The following SHROOM4 variants were observed in gnomAD, a reference collection of about 807,000 sequenced individuals.
SHROOM4 encodes the protein shroom family member 4.
A neutral mutation model predicts 80.3 loss-of-function variants in SHROOM4; 17 were observed. The observed-to-expected ratio is 0.21, with a 90% CI of 0.14 to 0.32. The LOEUF (loss-of-function observed/expected upper bound fraction) is 0.32, where lower values mean the gene tolerates loss of function less well. Ranked by LOEUF, SHROOM4 falls within the 10% of genes least tolerant of loss-of-function variation. SHROOM4 has a pLI of 1.00. For synonymous variants in SHROOM4, 400 were observed against 437.5 expected, an observed-to-expected ratio of 0.91 and a Z score of 1.07; for missense variants, 993 against 1,140.3, an observed-to-expected ratio of 0.87 and a Z score of 1.86.
At chrX:50,624,662 G>A (rs1354005821) in intron 5 of SHROOM4, among the ~76,000 whole-genome samples, 1 of 104,284 alleles carries the variant, frequency 9.6e-6, no homozygotes, top group African/African-American at 3.5e-5. Flanking sequence ...ACCCAGGATG[G>A]AATGCGGTCA....
At chrX:50,599,008 T>TTGTGTGTGTGTG (rs57494031) in intron 7 of SHROOM4, among the ~76,000 whole-genome samples, 2 of 98,830 alleles carry the variant, frequency 2.0e-5, no homozygotes, top group South Asian at 5.3e-4. Flanking sequence ...GTGTGTGTGT[T>TTGTGTGTGTGTG]TGTGTGTGTG....
chrX:50,709,885 A>G (rs1452358056), intron 1 of SHROOM4, among the ~76,000 whole-genome samples: 1 of 112,077 alleles, frequency 8.9e-6, no homozygotes, highest in African/African-American at 3.2e-5. Flanking sequence ...CCTAGGTCAA[A>G]TGAATCACAG....
intron 1 of SHROOM4, among the ~76,000 whole-genome samples, chrX:50,802,584 T>C (rs1225973986): frequency 8.9e-6 from 1 of 112,383 alleles, no homozygotes; most frequent in Non-Finnish European, 1.9e-5. Context: ...ATTGCCAAGA[T>C]GGGCTGATTC....
chrX:50,642,365 T>G (rs781856374), intron 2 of SHROOM4, among the ~76,000 whole-genome samples: 1 of 112,620 alleles, frequency 8.9e-6, no homozygotes, highest in South Asian at 3.7e-4. Flanking sequence ...GGACCACTTA[T>G]TGAACACTGA....
chrX:50,692,490 A>G (rs1933245968), intron 2 of SHROOM4, among the ~76,000 whole-genome samples: 1 of 111,989 alleles, frequency 8.9e-6, no homozygotes, highest in Admixed American at 9.5e-5. Context: ...GTCATTTTAC[A>G]TAAATTATCT....
chrX:50,612,744 A>C (rs782280821), intron 5 of SHROOM4, among the ~76,000 whole-genome samples: 8 of 111,961 alleles, frequency 7.1e-5, no homozygotes, highest in Non-Finnish European at 1.1e-4. Context: ...TACTGATATA[A>C]TTGACAACAT....
intron 4 of SHROOM4, among the ~76,000 whole-genome samples, chrX:50,630,387 T>C (rs782047588): frequency 6.3e-5 from 7 of 111,130 alleles, no homozygotes; most frequent in African/African-American, 2.3e-4. Flanking sequence ...CTGCTCTGAG[T>C]CTTAAATGTG....
chrX:50,615,585 G>A (rs782745066), intron 5 of SHROOM4, among the ~76,000 whole-genome samples: 11 of 112,111 alleles, frequency 9.8e-5, no homozygotes, highest in Non-Finnish European at 1.7e-4. Flanking sequence ...CACAGTGCCC[G>A]GCACACAGTG....
intron 1 of SHROOM4, among the ~76,000 whole-genome samples, chrX:50,809,909 G>GT (rs1259894226): frequency 8.9e-5 from 10 of 111,766 alleles, no homozygotes; most frequent in African/African-American, 3.3e-4. Flanking sequence ...TATGGGTCAT[G>GT]TATCTTTTAC....
At position 50,687,267 on chromosome X, in the gene SHROOM4, C is replaced by CTTTTTTTTTTTTTTTTTTTTTT. The variant is rs1217867502; in HGVS notation, c.269+8518_269+8519insAAAAAAAAAAAAAAAAAAAAAA. The CTTTTTTTTTTTTTTTTTTTTTT allele has an allele frequency of 1.0e-4, 9 of 88,808 alleles. 1 individual carries two copies. Among genetic ancestry groups the CTTTTTTTTTTTTTTTTTTTTTT allele is most frequent in the African/African-American group, 4.1e-4 (9 of 22,088 alleles). 7.3% of individuals were successfully genotyped at this position (88,808 alleles called of 1,213,427 possible). A position where few individuals can be genotyped will look rare whatever the true frequency, so the allele number is the denominator to read the frequency against. On this transcript the variant is annotated intron_variant, in intron 2 of 8. Transcript: ENST00000376020. Reference sequence around the variant, plus strand: ...CTATTCAACTTTGCCATTTTGGTGTCTTTTTTTTTTTTTTTTAAAAACAGC... The same window carrying CTTTTTTTTTTTTTTTTTTTTTT: ...CTATTCAACTTTGCCATTTTGGTGTCTTTTTTTTTTTTTTTTTTTTTTTTTTTTTTTTTTTTTTAAAAACAGC...
rs782324808 is a variant in SHROOM4 at position 50,638,291 on chromosome X, C to T, written c.287G>A (p.Ser96Asn). The change falls in exon 3 of 9, where the codon AGT becomes AAT. Residue 96 changes from serine (S) to asparagine (N), a missense_variant. Ser to Asn is a conservative substitution (Grantham distance 46, BLOSUM62 1). Transcript: ENST00000376020. ...LIVRRRNAPV[S>N]RPHSWHVAKL... ...GGCCACATGCCATGAGTGCGGCCTA[C>T]TGACAGGGGCGTTCCTCCTACAGCA... 9.9e-6 allele frequency: 12 copies of T among 1,210,489 alleles called. No homozygotes were observed. In the Admixed American group the frequency reaches 2.6e-4, roughly 26 times the overall value.
intron 1 of SHROOM4, among the ~76,000 whole-genome samples, chrX:50,795,113 T>TATTATA (rs2067922950): frequency 1.5e-4 from 6 of 41,046 alleles, no homozygotes; most frequent in Non-Finnish European, 1.9e-4. Flanking sequence ...TATATATATA[T>TATTATA]GATATATATA....
rs1929072805 is a variant in SHROOM4, at chrX:50,595,571, T to G, written c.*1124A>C. ...CCTGCTGGGGAATGCTAAACTCAAG[T>G]CACTTAGACTTTAAGGGAAGCACAA... On this transcript the variant is annotated 3_prime_UTR_variant, in exon 9 of 9. Coordinates refer to ENST00000376020, the MANE Select transcript of SHROOM4 (RefSeq NM_020717.5). 4.9e-6 allele frequency: 1 copy of G among 202,631 alleles called. No homozygotes were observed. Among genetic ancestry groups the G allele is most frequent in the Admixed American group, 6.7e-5 (1 of 14,969 alleles). 16.7% of individuals were successfully genotyped at this position (202,631 alleles called of 1,213,427 possible).
At chrX:50,790,682 T>A (rs1557271446) in intron 1 of SHROOM4, among the ~76,000 whole-genome samples, 1 of 111,711 alleles carries the variant, frequency 9.0e-6, no homozygotes. Context: ...ATTAGCAGAA[T>A]AAGGGATAAA....
chrX:50,694,315 C>T (rs1557262844), intron 2 of SHROOM4, among the ~76,000 whole-genome samples: 3 of 108,859 alleles, frequency 2.8e-5, no homozygotes, highest in African/African-American at 1.0e-4. Flanking sequence ...CTATTTCACA[C>T]TCCTACCAAC....
In SHROOM4 at chrX:50,645,359, T is replaced by C. The variant is rs1403459458; in HGVS notation, c.270-7051A>G. 3.6e-5 allele frequency among the ~76,000 whole-genome samples: 4 copies of C among 112,252 alleles called. 1 individual carries two copies. The highest frequency in any genetic ancestry group is 1.3e-4 in the African/African-American group (4 of 30,825). ...TGGTCGCCAAATGTCTTTCTCCTTTTGCTCAGTGGCCCAGCCCATGCAAAC... is the reference window on the plus strand; with the variant it reads ...TGGTCGCCAAATGTCTTTCTCCTTTCGCTCAGTGGCCCAGCCCATGCAAAC... On this transcript the variant is annotated intron_variant, in intron 2 of 8. Transcript: ENST00000376020.
intron 2 of SHROOM4, among the ~76,000 whole-genome samples, chrX:50,651,563 G>T (rs1359418479): frequency 9.0e-6 from 1 of 111,674 alleles, no homozygotes; most frequent in African/African-American, 3.3e-5. Context: ...AACTCTGGGG[G>T]TGGGGCCCAG....
rs782530547 is a variant in SHROOM4 at position 50,694,543 on chromosome X, A to ATTTTTTTTTTTTTTTTTTTTTT, written c.269+1221_269+1242dup. 2.2e-3 allele frequency among the ~76,000 whole-genome samples: 28 copies of ATTTTTTTTTTTTTTTTTTTTTT among 12,494 alleles called. 8 individuals are homozygous for ATTTTTTTTTTTTTTTTTTTTTT. The highest frequency in any genetic ancestry group is 3.9e-3 in the East Asian group (1 of 258). The allele number at this position is 12,494 out of a possible 115,157, so 10.8% of individuals were successfully genotyped here. On this transcript the variant is annotated intron_variant, in intron 2 of 8. Coordinates refer to ENST00000376020, the MANE Select transcript of SHROOM4 (RefSeq NM_020717.5). ...AGGTCTTTGCCCATTTTTAAGTTGG[A>ATTTTTTTTTTTTTTTTTTTTTT]TTTTTTTTTTTTTTTTTTTTTTTTT...
chrX:50,695,927 C>G lies in SHROOM4; in HGVS notation c.128G>C (p.Gly43Ala), dbSNP rs200768578. 5.8e-6 allele frequency: 7 copies of G among 1,211,812 alleles called. No individual in the cohort carries two copies. The highest frequency in any genetic ancestry group is 7.8e-6 in the Non-Finnish European group (7 of 895,483). ...CTTCTGGGACAAAGCTGCCTTGCCT[C>G]CATCTTCAATCTGTGTTGCAGAGAA... is the stretch of plus-strand genomic sequence containing the variant. Reference protein sequence around the residue: ...EPLTVSKIEDGGKAALSQKMR... With the variant: ...EPLTVSKIEDAGKAALSQKMR... The change falls in exon 2 of 9, where the codon GGA (glycine) becomes GCA (alanine). Residue 43 changes from glycine (G) to alanine (A), a missense_variant. Physicochemically the swap from Gly to Ala is moderately conservative, Grantham distance 60. Coordinates refer to ENST00000376020, the MANE Select transcript of SHROOM4 (RefSeq NM_020717.5).
Sources: gnomAD v4.1 joint callset for allele counts (sites outside exome capture counted in the v4.1 genomes callset) on GRCh38, gnomAD v4.1.1 for gene constraint, MANE v1.5 for transcripts, NCBI Gene and HGNC (gene_info 2026-07-23, HGNC 2026-07-21) for gene names.